Variants in PRDM11 observed in about 807,000 individuals in gnomAD.
PRDM11 encodes PR domain-containing protein 11.
PRDM11 carries 20 observed loss-of-function variants against 97.8 expected under a neutral mutation model. That is an observed-to-expected ratio of 0.20 (90% CI 0.14 to 0.30). The LOEUF (loss-of-function observed/expected upper bound fraction) is 0.30, where lower values mean the gene tolerates loss of function less well. PRDM11 is among the 10% of genes least tolerant of loss of function. PRDM11 has a pLI of 1.00. For synonymous variants in PRDM11, 599 were observed against 637.7 expected (o/e 0.94, Z 0.91); for missense variants, 1,139 against 1,555.2 (o/e 0.73, Z 4.50).
intron 1 of PRDM11, among the ~76,000 whole-genome samples, chr11:45,177,170 A>G (rs1014491861): frequency 6.6e-6 from 1 of 152,208 alleles, no homozygotes; most frequent in Non-Finnish European, 1.5e-5. Flanking sequence ...GCATTCCAGG[A>G]TCCTGGCACC....
At chr11:45,182,577 C>T (rs1198164619) in intron 3 of PRDM11, among the ~76,000 whole-genome samples, 4 of 152,302 alleles carry the variant, frequency 2.6e-5, no homozygotes, top group South Asian at 2.1e-4. Flanking sequence ...TCCCACGCCT[C>T]GAGTCCTCTG....
upstream of PRDM11, among the ~76,000 whole-genome samples, chr11:45,144,815 T>C (rs1374839566): frequency 6.6e-6 from 1 of 152,214 alleles, no homozygotes; most frequent in African/African-American, 2.4e-5. Context: ...AATGGCTCCT[T>C]CCTCAGTGCT....
At chr11:45,169,962 T>C (rs556800769) in intron 1 of PRDM11, among the ~76,000 whole-genome samples, 1 of 152,302 alleles carries the variant, frequency 6.6e-6, no homozygotes, top group East Asian at 1.9e-4. Flanking sequence ...CAGAGAAATA[T>C]CTCTACCTTC....
At chr11:45,095,779 C>T (rs1000297483), upstream of PRDM11, 1 of 722,178 alleles carries the variant, frequency 1.4e-6, no homozygotes, top group African/African-American at 1.8e-5. Flanking sequence ...GCTGGGGCAC[C>T]CATTTCGGGT....
rs1078929 is a variant in PRDM11 at position 45,182,664 on chromosome 11, T to G, written c.224-197T>G. Among the ~76,000 whole-genome samples the G allele has an allele frequency of 7.1e-3, 1,086 of 152,272 alleles. 13 individuals carry two copies. Among genetic ancestry groups the G allele is most frequent in the African/African-American group, 0.025 (1,036 of 41,556 alleles). ...AGTTTTTTAAAACTTGAGACAAAGG[T>G]AGCTGCTGGCCTCCTTGACGTAGGC... On this transcript the variant is annotated intron_variant, in intron 3 of 7. Transcript: ENST00000683152.
chr11:45,123,387 C>T (rs990477668), intron 1 of PRDM11, among the ~76,000 whole-genome samples: 1 of 151,812 alleles, frequency 6.6e-6, no homozygotes, highest in African/African-American at 2.4e-5. Context: ...GTTGCCATTG[C>T]TTTTGGTGTT....
chr11:45,201,756 A>C (rs989421385), intron 4 of PRDM11, among the ~76,000 whole-genome samples: 1 of 152,158 alleles, frequency 6.6e-6, no homozygotes, highest in Non-Finnish European at 1.5e-5. Flanking sequence ...TCACGAGGTC[A>C]GGAGATCAAG....
At chr11:45,100,791 C>T (rs1565219144) in intron 1 of PRDM11, among the ~76,000 whole-genome samples, 6 of 152,200 alleles carry the variant, frequency 3.9e-5, no homozygotes, top group African/African-American at 1.4e-4. Context: ...ATGGGCCAGG[C>T]CTGTGCTATA....
At chr11:45,140,695 C>T (rs1341344474) in intron 1 of PRDM11, among the ~76,000 whole-genome samples, 1 of 152,012 alleles carries the variant, frequency 6.6e-6, no homozygotes, top group East Asian at 1.9e-4. Flanking sequence ...AAAGCTGCTC[C>T]CCAATCTGCA....
intron 1 of PRDM11, among the ~76,000 whole-genome samples, chr11:45,178,583 G>A (rs933174897): frequency 1.9e-4 from 29 of 152,244 alleles, no homozygotes; most frequent in Admixed American, 1.8e-3. Flanking sequence ...CTCTTTCAGA[G>A]TTGAGATTCC....
chr11:45,147,028 CG>C (rs990146448), intron 1 of PRDM11, among the ~76,000 whole-genome samples, 151 bp downstream of exon 1: 6 of 119,298 alleles, frequency 5.0e-5, no homozygotes, highest in Non-Finnish European at 1.1e-4. Context: ...GGGCGCGGGG[CG>C]GGGGTCCGGA....
rs116073161 is a variant in PRDM11 at position 45,160,953 on chromosome 11, C to T, written c.-7+14076C>T. ...TTCCTTCACATACAGGGTTTTCTGC[C>T]CTCATTCAAAGGCATGGCTTTGTGT... is the stretch of plus-strand genomic sequence containing the variant. On this transcript the variant is annotated intron_variant, in intron 1 of 7. Transcript: ENST00000683152. 6.7e-3 allele frequency among the ~76,000 whole-genome samples: 1,025 copies of T among 152,208 alleles called. 10 individuals are homozygous for T. Among genetic ancestry groups the T allele is most frequent in the African/African-American group, 0.024 (979 of 41,502 alleles).
chr11:45,103,735 A>AGT (rs1315283005), intron 1 of PRDM11, among the ~76,000 whole-genome samples: 1 of 148,222 alleles, frequency 6.7e-6, no homozygotes, highest in Non-Finnish European at 1.5e-5. Context: ...TACTATATAT[A>AGT]GTATATATAA....
intron 5 of PRDM11, among the ~76,000 whole-genome samples, chr11:45,208,213 T>C (rs1853584394): frequency 6.6e-6 from 1 of 152,146 alleles, no homozygotes; most frequent in African/African-American, 2.4e-5. Context: ...GAAACCTGTT[T>C]GCCTGCACAT....
chr11:45,213,342 G>T, intron 5 of PRDM11: 5 of 454,992 alleles, frequency 1.1e-5, no homozygotes, highest in South Asian at 7.8e-5. Context: ...GCCTTGCAGG[G>T]AGGGGGGCGC....
At chr11:45,180,113 A>G (rs1852431029) in intron 1 of PRDM11, among the ~76,000 whole-genome samples, 1 of 152,214 alleles carries the variant, frequency 6.6e-6, no homozygotes, top group South Asian at 2.1e-4. Flanking sequence ...CCAGTTTCCA[A>G]TTTACTAAGC....
intron 1 of PRDM11, among the ~76,000 whole-genome samples, chr11:45,102,839 A>G (rs75700819): frequency 0.028 from 4,275 of 152,320 alleles, 102 homozygotes; most frequent in Middle Eastern, 0.078. Context: ...GCAGTCAGGG[A>G]AGGCTTCCTG....
At chr11:45,141,136 T>C (rs1851396747) in intron 1 of PRDM11, among the ~76,000 whole-genome samples, 1 of 152,252 alleles carries the variant, frequency 6.6e-6, no homozygotes, top group Non-Finnish European at 1.5e-5. Flanking sequence ...CCTATTCTCC[T>C]GGCTAGACAC....
At chr11:45,191,597 G>A (rs529034012) in intron 4 of PRDM11, among the ~76,000 whole-genome samples, 13 of 152,110 alleles carry the variant, frequency 8.5e-5, no homozygotes, top group African/African-American at 2.4e-4. Context: ...CAGTGGGAAC[G>A]CTTTCAAACT....
Sources: allele counts gnomAD v4.1 joint callset (sites outside exome capture counted in the v4.1 genomes callset), GRCh38; gene constraint gnomAD v4.1.1; transcripts MANE v1.5; gene names NCBI Gene and HGNC (gene_info 2026-07-23, HGNC 2026-07-21).